The following SYNE1 variants were observed in gnomAD, a reference collection of about 807,000 sequenced individuals.
SYNE1 encodes nesprin-1.
Under a neutral mutation model 1,111.0 loss-of-function variants are expected in SYNE1, and 616 were observed. The observed-to-expected ratio is 0.55, with a 90% CI of 0.52 to 0.59. SYNE1 has a LOEUF of 0.59. SYNE1 is among the 20% of genes least tolerant of loss of function. The pLI is 0.00. For missense variants in SYNE1, 10,006 were observed against 10,417.0 expected (o/e 0.96, Z 1.72); for synonymous variants, 3,855 against 3,825.8 (o/e 1.01, Z -0.28).
chr6:152,399,313 G>A (rs1022725877), intron 48 of SYNE1, among the ~76,000 whole-genome samples: 1 of 152,180 alleles, frequency 6.6e-6, no homozygotes, highest in African/African-American at 2.4e-5. Context: ...CTGGCCACTT[G>A]AGCAGTGGAA....
At chr6:152,314,854 G>A (rs1449795037) in intron 87 of SYNE1, among the ~76,000 whole-genome samples, 1 of 148,470 alleles carries the variant, frequency 6.7e-6, no homozygotes, top group East Asian at 2.1e-4. Context: ...AGGAGGCTGA[G>A]GGACAAGATT....
intron 137 of SYNE1, 28 bp from the exon 138 acceptor site, chr6:152,143,793 C>T: frequency 1.2e-6 from 2 of 1,614,142 alleles, no homozygotes; most frequent in Non-Finnish European, 1.7e-6. Flanking sequence ...AGAATCTTTA[C>T]TGGACAAACT....
intron 5 of SYNE1, among the ~76,000 whole-genome samples, chr6:152,523,474 A>G (rs1426282299): frequency 6.6e-6 from 1 of 152,098 alleles, no homozygotes; most frequent in Non-Finnish European, 1.5e-5. Flanking sequence ...GTATAATTCA[A>G]AGTCAGATAA....
In SYNE1 at chr6:152,386,100, A is replaced by G. The variant is rs76581988; in HGVS notation, c.8488-262T>C. Among the ~76,000 whole-genome samples, 15,323 of 152,240 alleles carry G rather than the reference A, an allele frequency of 0.1. 1,940 individuals are homozygous for G. Among genetic ancestry groups the G allele is most frequent in the African/African-American group, 0.28 (11,709 of 41,488 alleles). ...TCATGCTTAATTCATGTTGGCTAAC[A>G]TCCCTCACTAAAAATCCTCTTAATA... On this transcript the variant is annotated intron_variant, in intron 54 of 145. Transcript: ENST00000367255.
At position 152,148,041 on chromosome 6, in the gene SYNE1, C is replaced by T. The variant is rs904562960; in HGVS notation, c.24976+4G>A. 8 of 1,613,566 alleles carry T rather than the reference C, an allele frequency of 5.0e-6. No homozygotes were observed. The highest frequency in any genetic ancestry group is 2.2e-5 in the South Asian group (2 of 91,064). ...GCTGGCAAACTGGAGAGGCTCTTTC[C>T]TACCTGATAAGCCAACAGCTCCCCG... On this transcript the variant is annotated splice_donor_region_variant and intron_variant, in intron 137 of 145. Transcript: ENST00000367255. This position sits in a 1 kb window ranked among gnomAD's most constrained non-coding sequence, Gnocchi z 4.1.
intron 3 of SYNE1, among the ~76,000 whole-genome samples, chr6:152,605,822 G>C (rs997068946): frequency 2.6e-5 from 4 of 151,988 alleles, no homozygotes; most frequent in Non-Finnish European, 4.4e-5. Context: ...AATTTAAAAA[G>C]GTATTTTTTT....
intron 2 of SYNE1, among the ~76,000 whole-genome samples, chr6:152,636,225 A>AG (rs2099705709): frequency 6.6e-6 from 1 of 151,982 alleles, no homozygotes; most frequent in African/African-American, 2.4e-5. Context: ...TAAAATAGTC[A>AG]GGGGGTGGAG....
intron 114 of SYNE1, 113 bp downstream of exon 114, chr6:152,231,278 A>C: frequency 9.2e-7 from 1 of 1,088,750 alleles, no homozygotes; most frequent in Admixed American, 1.7e-5. Context: ...TATTATTGGA[A>C]GCGTTCTTTG....
At chr6:152,407,227 T>C (rs1157713629) in intron 44 of SYNE1, 31 bp from the exon 45 acceptor site, 2 of 1,608,454 alleles carry the variant, frequency 1.2e-6, no homozygotes, top group Admixed American at 3.3e-5. Context: ...ATGGCATTCA[T>C]AGTCAGAGGC....
chr6:152,461,575 G>A, intron 21 of SYNE1, 22 bp downstream of exon 21: 2 of 1,613,830 alleles, frequency 1.2e-6, no homozygotes, highest in Non-Finnish European at 1.7e-6. Context: ...ACAGCCTATT[G>A]TGCATTAAAT....
At chr6:152,173,621 T>C (rs1457649800) in intron 130 of SYNE1, among the ~76,000 whole-genome samples, 1 of 152,162 alleles carries the variant, frequency 6.6e-6, no homozygotes, top group African/African-American at 2.4e-5. Flanking sequence ...GACAGCCGGG[T>C]GTCTTTCAGG....
chr6:152,441,014 TAGTA>T (rs2098524888), intron 32 of SYNE1, 112 bp downstream of exon 32: 3 of 1,264,182 alleles, frequency 2.4e-6, no homozygotes, highest in Non-Finnish European at 3.4e-6. Flanking sequence ...CATCAATAAA[TAGTA>T]AGTATTGATT....
chr6:152,242,853 G>C (rs750884772), intron 106 of SYNE1, among the ~76,000 whole-genome samples: 2 of 151,792 alleles, frequency 1.3e-5, no homozygotes, highest in Non-Finnish European at 2.9e-5. Context: ...TCACTGAAAG[G>C]ATAAAATAAA....
At chr6:152,169,974 T>G (rs888446195) in intron 130 of SYNE1, among the ~76,000 whole-genome samples, 3 of 152,280 alleles carry the variant, frequency 2.0e-5, no homozygotes, top group South Asian at 2.1e-4. Flanking sequence ...ATTAAAGAAA[T>G]ATATTGGTTA....
chr6:152,547,553 T>C (rs1257870907), intron 3 of SYNE1, among the ~76,000 whole-genome samples: 2 of 152,210 alleles, frequency 1.3e-5, no homozygotes, highest in South Asian at 2.1e-4. Context: ...ATGAGCTGTT[T>C]CATTTGCAGA....
intron 81 of SYNE1, among the ~76,000 whole-genome samples, chr6:152,324,610 A>G (rs927627263): frequency 6.6e-6 from 1 of 151,940 alleles, no homozygotes; most frequent in Non-Finnish European, 1.5e-5. Context: ...CTGGCTAACG[A>G]GGTGAAACCT....
At chr6:152,420,184 T>C (rs1319400305) in intron 39 of SYNE1, among the ~76,000 whole-genome samples, 4 of 152,218 alleles carry the variant, frequency 2.6e-5, no homozygotes, top group Admixed American at 6.5e-5. Flanking sequence ...TATTTTACTT[T>C]TATTCTTCTC....
intron 137 of SYNE1, chr6:152,146,126 T>C (rs916636665): frequency 6.5e-6 from 1 of 154,702 alleles, no homozygotes; most frequent in Non-Finnish European, 1.4e-5. Context: ...AGAAACCCTA[T>C]AGGGTACCTG....
chr6:152,180,156 TTTC>T lies in SYNE1; in HGVS notation c.23437_23439del (p.Glu7813del), dbSNP rs777561176. On this transcript the variant is annotated inframe_deletion, in exon 129 of 146. Transcript: ENST00000367255. ...CATACCTTCTTGAGCTTCTCTATCA[TTTC>T]TTCAATGAGAATGTCTCCATTCTGA... 3 of 1,614,138 alleles carry T rather than the reference TTTC, an allele frequency of 1.9e-6. No homozygotes were observed. The South Asian group carries it at 3.3e-5, about 18-fold the overall frequency.
Sources: gnomAD v4.1 joint callset for allele counts (sites outside exome capture counted in the v4.1 genomes callset) on GRCh38, gnomAD v4.1.1 for gene constraint, Gnocchi (gnomAD v3.1) non-coding constraint, MANE v1.5 for transcripts, NCBI Gene and HGNC (gene_info 2026-07-23, HGNC 2026-07-21) for gene names.